Variants in CFAP46 observed in about 807,000 individuals in gnomAD.
CFAP46 encodes cilia- and flagella-associated protein 46.
Under a neutral mutation model 325.7 loss-of-function variants are expected in CFAP46, and 245 were observed. The observed-to-expected ratio is 0.75, with a 90% confidence interval of 0.68 to 0.84. CFAP46 has a LOEUF of 0.84. Ranked by LOEUF, CFAP46 falls within the 40% of genes least tolerant of loss-of-function variation. The pLI is 0.00. For missense variants in CFAP46, 3,346 were observed against 3,543.0 expected (o/e 0.94, Z 1.41); for synonymous variants, 1,523 against 1,495.9 (o/e 1.02, Z -0.42).
intron 17 of CFAP46, 89 bp from the exon 18 acceptor site, chr10:132,913,347 A>G: frequency 2.0e-6 from 1 of 488,894 alleles, no homozygotes. Flanking sequence ...GTTAGGAACC[A>G]GGCTGCAGGG....
At position 132,866,114 on chromosome 10, in the gene CFAP46, G is replaced by C; in HGVS notation, c.4801C>G (p.Leu1601Val). Residue 1601 changes from leucine (L) to valine (V), a missense_variant, in exon 35 of 58, where the codon CTG becomes GTG. Transcript: ENST00000368586. ...AGAACTTCTGCCTTCAGCATCCACAGGTGGGGAAAGGACGTCCCATCCAGG... is the reference window on the plus strand; with the variant it reads ...AGAACTTCTGCCTTCAGCATCCACACGTGGGGAAAGGACGTCCCATCCAGG... The part of the protein sequence containing the change: ...RDLDGTSFPH[L>V]WMLKAEVLLE... The C allele has an allele frequency of 6.5e-7, 1 of 1,545,634 alleles. No individual in the cohort carries two copies. The highest frequency in any genetic ancestry group is 8.7e-7 in the Non-Finnish European group (1 of 1,144,588).
intron 55 of CFAP46, 149 bp downstream of exon 55, chr10:132,812,636 G>T: frequency 3.3e-6 from 2 of 612,950 alleles, no homozygotes; most frequent in South Asian, 3.8e-5. Flanking sequence ...GACAGGAGGG[G>T]CCTGCAGTCA....
chr10:132,863,867 C>T (rs2135250959), intron 35 of CFAP46, among the ~76,000 whole-genome samples: 1 of 144,486 alleles, frequency 6.9e-6, no homozygotes, highest in Non-Finnish European at 1.5e-5. Context: ...CAGAGACCTG[C>T]ACACACCTGT....
At chr10:132,907,245 G>C (rs1849470027) in intron 22 of CFAP46, among the ~76,000 whole-genome samples, 1 of 152,236 alleles carries the variant, frequency 6.6e-6, no homozygotes, top group Non-Finnish European at 1.5e-5. Flanking sequence ...CAGGAAATTA[G>C]CCAAAAAGAA....
In CFAP46 at chr10:132,922,084, G is replaced by A; in HGVS notation, c.1606+20C>T. On this transcript the variant is annotated intron_variant, in intron 13 of 57. Coordinates refer to ENST00000368586, the MANE Select transcript of CFAP46 (RefSeq NM_001200049.3). ...CAAGGTGGACCGTTCTGGGCTGGGA[G>A]AGCCCAGTGCAGAGCTCACCTTTGG... 1.3e-6 allele frequency: 2 copies of A among 1,547,630 alleles called. No individual in the cohort carries two copies. The highest frequency in any genetic ancestry group is 2.4e-5 in the East Asian group (1 of 40,846).
intron 50 of CFAP46, among the ~76,000 whole-genome samples, chr10:132,823,116 T>A (rs1317718826): frequency 7.2e-6 from 1 of 139,214 alleles, no homozygotes; most frequent in East Asian, 2.3e-4. Context: ...ATGTGTGCTG[T>A]GTGTGTGCTG....
rs1439461752 is a variant in CFAP46 at position 132,833,455 on chromosome 10, C to T, written c.7020G>A (p.Leu2340=). The change falls in exon 50 of 58, where the codon CTG becomes CTA. Residue 2340 remains leucine (L), a synonymous_variant. Transcript: ENST00000368586. ...VADRHLLELP[L]EGLSVFDEGT... is the part of the protein sequence containing the mutation. Reference sequence around the variant, plus strand: ...CTTCATCGAACACAGAGAGACCTTCCAGTGGCAGCTCCAGGAGATGTCTGT... The same window carrying T: ...CTTCATCGAACACAGAGAGACCTTCTAGTGGCAGCTCCAGGAGATGTCTGT... 6.2e-7 allele frequency: 1 copy of T among 1,614,166 alleles called. No homozygotes were observed. The highest frequency in any genetic ancestry group is 8.5e-7 in the Non-Finnish European group (1 of 1,180,006).
At chr10:132,882,493 G>C (rs980265181) in intron 27 of CFAP46, among the ~76,000 whole-genome samples, 9 of 152,022 alleles carry the variant, frequency 5.9e-5, no homozygotes, top group African/African-American at 1.9e-4. Context: ...AACATCTCGA[G>C]GGGGAAGGCA....
intron 38 of CFAP46, among the ~76,000 whole-genome samples, chr10:132,858,179 C>G (rs1052746323): frequency 4.0e-5 from 6 of 151,750 alleles, no homozygotes; most frequent in African/African-American, 1.5e-4. Context: ...TCTACACGCC[C>G]GCACTGGGCC....
intron 50 of CFAP46, among the ~76,000 whole-genome samples, chr10:132,822,819 C>T (rs28970836): frequency 4.1e-5 from 2 of 49,324 alleles, no homozygotes; most frequent in East Asian, 1.2e-3. Context: ...GTGCTGTGTG[C>T]TGTGTGTGCT....
chr10:132,879,950 C>T (rs567431520), intron 28 of CFAP46, among the ~76,000 whole-genome samples: 3 of 151,074 alleles, frequency 2.0e-5, no homozygotes, highest in East Asian at 3.9e-4. Context: ...CTGGGCACCC[C>T]GTTCCTGTCC....
At chr10:132,863,277 C>G (rs1848750285) in intron 35 of CFAP46, among the ~76,000 whole-genome samples, 1 of 152,180 alleles carries the variant, frequency 6.6e-6, no homozygotes, top group Non-Finnish European at 1.5e-5. Flanking sequence ...GACTGGGCCT[C>G]TGCCCACCTC....
intron 37 of CFAP46, among the ~76,000 whole-genome samples, chr10:132,860,215 G>A (rs2135223291): frequency 6.6e-6 from 1 of 152,360 alleles, no homozygotes; most frequent in South Asian, 2.1e-4. Flanking sequence ...TGGATGGAAG[G>A]TCCACTTCTC....
At chr10:132,935,726 A>C (rs1242996108) in intron 7 of CFAP46, among the ~76,000 whole-genome samples, 1 of 119,458 alleles carries the variant, frequency 8.4e-6, no homozygotes, top group African/African-American at 3.7e-5. Flanking sequence ...TCCCCTCGGC[A>C]CCCAAACACA....
At chr10:132,902,534 G>A (rs377618289) in intron 22 of CFAP46, among the ~76,000 whole-genome samples, 3 of 152,246 alleles carry the variant, frequency 2.0e-5, no homozygotes, top group South Asian at 4.1e-4. Context: ...CTGTACACTA[G>A]TTATTTCCAT....
chr10:132,942,265 T>C (rs907390386), intron 1 of CFAP46, among the ~76,000 whole-genome samples, 161 bp from the exon 2 acceptor site: 4 of 152,086 alleles, frequency 2.6e-5, no homozygotes, highest in Non-Finnish European at 5.9e-5. Context: ...GGCGCCTTCC[T>C]GTACGTTTGC....
chr10:132,833,298 A>C, intron 50 of CFAP46, 60 bp downstream of exon 50: 2 of 1,493,464 alleles, frequency 1.3e-6, no homozygotes, highest in Non-Finnish European at 1.8e-6. Flanking sequence ...TCATCTGAAA[A>C]ATAATTTAAA....
At position 132,847,027 on chromosome 10, in the gene CFAP46, G is replaced by A. The variant is rs748541524; in HGVS notation, c.6172C>T (p.Leu2058Phe). The change falls in exon 43 of 58, where the codon CTC becomes TTC. Residue 2058 changes from leucine to phenylalanine, a missense_variant. Leu to Phe is a conservative substitution (Grantham distance 22). Transcript: ENST00000368586. The surrounding 1 kb of genome is among the most constrained non-coding windows in gnomAD (Gnocchi z 5.2). The stretch of plus-strand genomic sequence containing the variant: ...CTGGCGGCTGCTGCGACATCCAGGA[G>A]GCCACTGCCAAGGGCCACCTGTAGG... ...QCLQVALGSG[L>F]LDVAAAASLE... The A allele has an allele frequency of 5.6e-6, 9 of 1,611,774 alleles. No homozygotes were observed. In the South Asian group the frequency reaches 9.9e-5, roughly 18 times the overall value.
At chr10:132,826,413 G>GGAACCA (rs1848052712) in intron 50 of CFAP46, among the ~76,000 whole-genome samples, 2 of 141,998 alleles carry the variant, frequency 1.4e-5, no homozygotes, top group South Asian at 2.3e-4. Context: ...GAGCCAGGCA[G>GGAACCA]GAGCCAGAGC....
Sources: allele counts gnomAD v4.1 joint callset (sites outside exome capture counted in the v4.1 genomes callset), GRCh38; gene constraint gnomAD v4.1.1; non-coding constraint Gnocchi (gnomAD v3.1); transcripts MANE v1.5; gene names NCBI Gene and HGNC (gene_info 2026-07-23, HGNC 2026-07-21).